NSMCE2: variants seen among roughly 807,000 people sequenced by gnomAD.
NSMCE2 encodes E3 SUMO-protein ligase NSE2.
Under a neutral mutation model 23.8 loss-of-function variants are expected in NSMCE2, and 24 were observed. That is an observed-to-expected ratio of 1.01 (90% CI 0.73 to 1.42). The LOEUF (loss-of-function observed/expected upper bound fraction) is 1.42. Among genes scored for constraint, NSMCE2 ranks in the 40% most tolerant of loss-of-function variants. The probability of loss-of-function intolerance (pLI) is 0.00; values close to 1 mark genes in which losing one functional copy is unlikely to be tolerated. For missense variants in NSMCE2, 284 were observed against 296.5 expected (o/e 0.96, Z 0.31); for synonymous variants, 92 against 94.1 (o/e 0.98, Z 0.13).
At chr8:125,274,351 A>G (rs892179886) in intron 5 of NSMCE2, among the ~76,000 whole-genome samples, 6 of 152,222 alleles carry the variant, frequency 3.9e-5, no homozygotes, top group African/African-American at 1.4e-4. Context: ...TCCTTGTATT[A>G]ATTTCATTTT....
chr8:125,330,138 T>C (rs926780020), intron 5 of NSMCE2, among the ~76,000 whole-genome samples: 2 of 151,792 alleles, frequency 1.3e-5, no homozygotes, highest in Admixed American at 6.6e-5. Flanking sequence ...CAAGTCTGCC[T>C]TCTTGTTAGG....
chr8:125,349,033 ACAC>A (rs1322875302), intron 5 of NSMCE2, among the ~76,000 whole-genome samples: 1 of 148,506 alleles, frequency 6.7e-6, no homozygotes. Flanking sequence ...ACACACACAC[ACAC>A]ACACACACAC....
intron 5 of NSMCE2, among the ~76,000 whole-genome samples, chr8:125,322,623 A>G (rs571997284): frequency 2.0e-5 from 3 of 152,362 alleles, no homozygotes; most frequent in South Asian, 2.1e-4. Context: ...AACAAGTACA[A>G]TAAGGTAAGA....
intron 5 of NSMCE2, among the ~76,000 whole-genome samples, chr8:125,338,026 A>G (rs1830120236): frequency 6.6e-6 from 1 of 152,200 alleles, no homozygotes; most frequent in African/African-American, 2.4e-5. Flanking sequence ...GAAAGGATAA[A>G]GCATTTAAAG....
At chr8:125,159,024 A>G (rs951681765) in intron 4 of NSMCE2, among the ~76,000 whole-genome samples, 1 of 152,248 alleles carries the variant, frequency 6.6e-6, no homozygotes, top group African/African-American at 2.4e-5. Context: ...AAACAGTTCA[A>G]ATAAATAAAT....
intron 5 of NSMCE2, among the ~76,000 whole-genome samples, chr8:125,320,402 A>G (rs1307228812): frequency 6.6e-6 from 1 of 152,250 alleles, no homozygotes; most frequent in Admixed American, 6.5e-5. Context: ...AAACCCTCAA[A>G]GAAAGATACA....
intron 5 of NSMCE2, among the ~76,000 whole-genome samples, chr8:125,243,562 G>A (rs1176627235): frequency 1.3e-5 from 2 of 151,752 alleles, no homozygotes; most frequent in Non-Finnish European, 2.9e-5. Context: ...GAGTGATTGT[G>A]TTGATAAAAT....
At chr8:125,236,870 C>T (rs1460664805) in intron 5 of NSMCE2, among the ~76,000 whole-genome samples, 1 of 151,352 alleles carries the variant, frequency 6.6e-6, no homozygotes, top group African/African-American at 2.4e-5. Flanking sequence ...AGGAACAAGA[C>T]CTGTCACGTT....
At chr8:125,319,181 G>A (rs572177525) in intron 5 of NSMCE2, among the ~76,000 whole-genome samples, 1 of 152,110 alleles carries the variant, frequency 6.6e-6, no homozygotes, top group African/African-American at 2.4e-5. Flanking sequence ...ACACCACTCT[G>A]GTCATCCTGA....
intron 3 of NSMCE2, among the ~76,000 whole-genome samples, chr8:125,131,697 T>C (rs1819780077): frequency 6.6e-6 from 1 of 152,160 alleles, no homozygotes; most frequent in Non-Finnish European, 1.5e-5. Context: ...AACTGCAGTC[T>C]TAGAGGCACC....
chr8:125,125,593 C>T (rs1563665375), intron 3 of NSMCE2, among the ~76,000 whole-genome samples: 1 of 152,108 alleles, frequency 6.6e-6, no homozygotes, highest in East Asian at 1.9e-4. Flanking sequence ...AACTTCTGTA[C>T]TGGAAATGAG....
intron 4 of NSMCE2, among the ~76,000 whole-genome samples, chr8:125,154,103 T>C (rs1821182382): frequency 6.6e-6 from 1 of 152,200 alleles, no homozygotes; most frequent in Non-Finnish European, 1.5e-5. Flanking sequence ...TGCTCTGTCA[T>C]AGACTTTTGC....
rs557124681 is a variant in NSMCE2, at chr8:125,222,226, C to T, written c.418+39970C>T. Among the ~76,000 whole-genome samples, 16 of 151,432 alleles carry T rather than the reference C, an allele frequency of 1.1e-4. No individual in the cohort carries two copies. In the South Asian group the frequency reaches 1.5e-3, roughly 14 times the overall value. ...GGATGTCATTGCCTTAAAGTAGGAA[C>T]GATTTTTTAAAATTTTTTAATTGAG... On this transcript the variant is annotated intron_variant, in intron 5 of 7. Coordinates refer to ENST00000287437, the MANE Select transcript of NSMCE2 (RefSeq NM_173685.4).
intron 5 of NSMCE2, among the ~76,000 whole-genome samples, chr8:125,225,193 A>C (rs1825039566): frequency 6.6e-6 from 1 of 152,210 alleles, no homozygotes; most frequent in Non-Finnish European, 1.5e-5. Flanking sequence ...CAGAGACTGA[A>C]ATCAGTTCTT....
chr8:125,140,437 A>C (rs1297305880), intron 3 of NSMCE2, among the ~76,000 whole-genome samples: 2 of 152,110 alleles, frequency 1.3e-5, no homozygotes, highest in Non-Finnish European at 2.9e-5. Flanking sequence ...CCAAGGCGGG[A>C]GAATTACTTG....
intron 5 of NSMCE2, among the ~76,000 whole-genome samples, chr8:125,350,165 G>A (rs1468770143): frequency 6.6e-6 from 1 of 152,210 alleles, no homozygotes; most frequent in Non-Finnish European, 1.5e-5. Flanking sequence ...GAGGGAGGGG[G>A]AGTGGAGAAG....
intron 3 of NSMCE2, among the ~76,000 whole-genome samples, chr8:125,119,363 A>C (rs1819164639): frequency 6.6e-6 from 1 of 152,188 alleles, no homozygotes; most frequent in African/African-American, 2.4e-5. Flanking sequence ...GAAACAGTAA[A>C]TGAGTCACTT....
chr8:125,118,343 C>T (rs1361465396), intron 3 of NSMCE2, among the ~76,000 whole-genome samples: 4 of 151,838 alleles, frequency 2.6e-5, no homozygotes, highest in Admixed American at 2.0e-4. Context: ...ATTACACCAC[C>T]GCACTCCAGC....
At chr8:125,272,048 C>G (rs1490336045) in intron 5 of NSMCE2, among the ~76,000 whole-genome samples, 1 of 137,878 alleles carries the variant, frequency 7.3e-6, no homozygotes, top group Non-Finnish European at 1.5e-5. Context: ...GAGTCTCGCT[C>G]TGTCACCTGG....
Sources: allele counts gnomAD v4.1 joint callset (sites outside exome capture counted in the v4.1 genomes callset), GRCh38; gene constraint gnomAD v4.1.1; transcripts MANE v1.5; gene names NCBI Gene and HGNC (gene_info 2026-07-23, HGNC 2026-07-21).